SVIL: variants seen among roughly 807,000 people sequenced by gnomAD.
SVIL encodes archvillin.
SVIL carries 101 observed loss-of-function variants against 240.4 expected under a neutral mutation model. That is an observed-to-expected ratio of 0.42 (90% CI 0.36 to 0.50). The LOEUF (loss-of-function observed/expected upper bound fraction) is 0.50. Among genes scored for constraint, SVIL ranks in the 20% least tolerant of loss-of-function variants. The pLI is 0.01. For missense variants in SVIL, 2,512 were observed against 2,818.7 expected (o/e 0.89, Z 2.46); for synonymous variants, 999 against 1,100.0 (o/e 0.91, Z 1.82).
At chr10:29,516,758 G>A (rs1326247654) in intron 16 of SVIL, among the ~76,000 whole-genome samples, 2 of 152,202 alleles carry the variant, frequency 1.3e-5, no homozygotes, top group South Asian at 2.1e-4. Flanking sequence ...ACCGTGACAG[G>A]TGCCTGCCAG....
chr10:29,619,990 T>A (rs1480049635), intron 1 of SVIL, among the ~76,000 whole-genome samples: 1 of 151,994 alleles, frequency 6.6e-6, no homozygotes, highest in African/African-American at 2.4e-5. Context: ...TAAGAAGAAA[T>A]AACAGCTTCT....
At chr10:29,584,008 C>T (rs964940414) in intron 1 of SVIL, among the ~76,000 whole-genome samples, 19 of 152,114 alleles carry the variant, frequency 1.2e-4, no homozygotes, top group African/African-American at 3.9e-4. Context: ...TACAAGCCAC[C>T]GATGATATAA....
chr10:29,586,832 G>A (rs1158343679), intron 1 of SVIL, among the ~76,000 whole-genome samples: 1 of 152,160 alleles, frequency 6.6e-6, no homozygotes, highest in Non-Finnish European at 1.5e-5. Flanking sequence ...ATAAGTGGAA[G>A]CTAAATGATG....
At chr10:29,603,090 C>G (rs1956877797) in intron 1 of SVIL, among the ~76,000 whole-genome samples, 1 of 150,912 alleles carries the variant, frequency 6.6e-6, no homozygotes, top group Admixed American at 6.6e-5. Context: ...AAACTCGAGA[C>G]TCCTTCCCCT....
chr10:29,720,411 A>G (rs11007712), intron 1 of SVIL, among the ~76,000 whole-genome samples: 29,811 of 152,180 alleles, frequency 0.2, 3,493 homozygotes, highest in Admixed American at 0.27. Context: ...CTGTAGCTCC[A>G]ATTATACAAC....
At chr10:29,466,623 A>T (rs1055457978) in intron 33 of SVIL, among the ~76,000 whole-genome samples, 56 of 152,338 alleles carry the variant, frequency 3.7e-4, no homozygotes, top group Non-Finnish European at 5.9e-5. Context: ...CCCAGCTGTC[A>T]GAGACTGTCA....
intron 6 of SVIL, among the ~76,000 whole-genome samples, chr10:29,547,672 T>G (rs1049852653): frequency 3.9e-5 from 6 of 152,226 alleles, no homozygotes; most frequent in Non-Finnish European, 8.8e-5. Flanking sequence ...CTGTCTTTAC[T>G]TGGGATGCTC....
intron 1 of SVIL, among the ~76,000 whole-genome samples, chr10:29,689,249 G>A (rs1006653565): frequency 6.6e-6 from 1 of 152,034 alleles, no homozygotes; most frequent in Non-Finnish European, 1.5e-5. Context: ...ACTGAGGCTA[G>A]AACTGGTATC....
chr10:29,718,687 T>C (rs1304038928), intron 1 of SVIL, among the ~76,000 whole-genome samples: 2 of 152,168 alleles, frequency 1.3e-5, no homozygotes, highest in Non-Finnish European at 1.5e-5. Context: ...CAGAGATTTA[T>C]CTTTGAGTAG....
chr10:29,660,604 G>T (rs552205715), intron 2 of SVIL, among the ~76,000 whole-genome samples: 98 of 152,184 alleles, frequency 6.4e-4, no homozygotes, highest in Non-Finnish European at 1.1e-3. Context: ...CAAAATTCTG[G>T]TGGGGGGAAC....
chr10:29,667,678 C>T (rs1048859185), intron 2 of SVIL, among the ~76,000 whole-genome samples: 1 of 151,872 alleles, frequency 6.6e-6, no homozygotes, highest in African/African-American at 2.4e-5. Flanking sequence ...ATAGCAAGAC[C>T]ATGTCTCTAC....
intron 1 of SVIL, among the ~76,000 whole-genome samples, chr10:29,626,214 G>A (rs757412787): frequency 5.9e-5 from 9 of 152,108 alleles, no homozygotes; most frequent in Non-Finnish European, 8.8e-5. Flanking sequence ...CACGGTTATG[G>A]CCCCTACATC....
intron 1 of SVIL, among the ~76,000 whole-genome samples, chr10:29,712,359 A>T (rs1210573111): frequency 6.6e-6 from 1 of 152,150 alleles, no homozygotes; most frequent in Non-Finnish European, 1.5e-5. Flanking sequence ...TTGCTCTATT[A>T]GTTCCCAGGA....
chr10:29,524,765 A>G (rs1258156383), intron 13 of SVIL, 50 bp from the exon 14 acceptor site: 1 of 1,601,492 alleles, frequency 6.2e-7, no homozygotes. Context: ...ACAAAAGCAC[A>G]CCGCTAAGTT....
At chr10:29,469,419 A>C (rs940469473) in intron 32 of SVIL, among the ~76,000 whole-genome samples, 1 of 152,154 alleles carries the variant, frequency 6.6e-6, no homozygotes, top group Non-Finnish European at 1.5e-5. Context: ...CACCAAATCA[A>C]ACTCTGGGGA....
At chr10:29,589,601 A>G (rs1329070235) in intron 1 of SVIL, among the ~76,000 whole-genome samples, 1 of 152,134 alleles carries the variant, frequency 6.6e-6, no homozygotes, top group Non-Finnish European at 1.5e-5. Context: ...TTGAGCCCTA[A>G]TTGGAACTTC....
rs200306425 is a variant in SVIL at position 29,532,062 on chromosome 10, T to C, written c.1949A>G (p.Lys650Arg). The change falls in exon 9 of 38, where the codon AAA becomes AGA. Residue 650 changes from lysine (K) to arginine (R), a missense_variant. Physicochemically the swap from Lys to Arg is conservative, Grantham distance 26. Coordinates refer to ENST00000355867, the MANE Select transcript of SVIL (RefSeq NM_021738.3). ...RRYFSPGESRKTSERFRTQPI... is the reference protein window; with the variant it reads ...RRYFSPGESRRTSERFRTQPI... ...TTGGGTTCTAAATCTCTCGGAAGTT[T>C]TTCTACTTTCACCAGGAGAAAAATA... 6.2e-7 allele frequency: 1 copy of C among 1,614,178 alleles called. No homozygotes were observed. Among genetic ancestry groups the C allele is most frequent in the Non-Finnish European group, 8.5e-7 (1 of 1,180,006 alleles).
At chr10:29,488,271 G>A (rs184402770) in intron 23 of SVIL, among the ~76,000 whole-genome samples, 57 of 152,178 alleles carry the variant, frequency 3.7e-4, no homozygotes, top group Admixed American at 9.2e-4. Flanking sequence ...ATGTGTGACC[G>A]CTTCGTGGGG....
intron 36 of SVIL, among the ~76,000 whole-genome samples, chr10:29,459,748 A>G (rs766821344): frequency 6.6e-6 from 1 of 152,164 alleles, no homozygotes. Context: ...ATGCATGACT[A>G]AGAGCTGTTG....
Sources: gnomAD v4.1 joint callset for allele counts (sites outside exome capture counted in the v4.1 genomes callset) on GRCh38, gnomAD v4.1.1 for gene constraint, MANE v1.5 for transcripts, NCBI Gene and HGNC (gene_info 2026-07-23, HGNC 2026-07-21) for gene names.